PDE4D: variants seen among roughly 807,000 people sequenced by gnomAD.
PDE4D encodes 3',5'-cyclic-AMP phosphodiesterase 4D.
PDE4D carries 24 observed loss-of-function variants against 87.4 expected under a neutral mutation model. The observed-to-expected ratio is 0.27, with a 90% CI of 0.20 to 0.39. PDE4D has a LOEUF of 0.39. PDE4D is among the 10% of genes least tolerant of loss of function. The pLI is 1.00. For missense variants in PDE4D, 714 were observed against 1,041.0 expected (o/e 0.69, Z 4.32); for synonymous variants, 384 against 383.2 (o/e 1.00, Z -0.02).
At chr5:60,239,851 A>G (rs1746876197) in intron 1 of PDE4D, among the ~76,000 whole-genome samples, 1 of 152,050 alleles carries the variant, frequency 6.6e-6, no homozygotes. Flanking sequence ...ATTTTCTAAT[A>G]GTTTTTCAAT....
intron 2 of PDE4D, among the ~76,000 whole-genome samples, chr5:59,211,957 C>G (rs1750178520): frequency 6.6e-6 from 1 of 151,912 alleles, no homozygotes; most frequent in Admixed American, 6.6e-5. Flanking sequence ...AATAGATAAC[C>G]ACAAACCTTC....
chr5:59,726,567 T>C (rs1756624854), intron 1 of PDE4D, among the ~76,000 whole-genome samples: 1 of 152,084 alleles, frequency 6.6e-6, no homozygotes, highest in African/African-American at 2.4e-5. Context: ...GGCACCCTAA[T>C]TTCAGAACTT....
At chr5:59,880,545 G>A (rs987677167) in intron 1 of PDE4D, among the ~76,000 whole-genome samples, 1 of 152,198 alleles carries the variant, frequency 6.6e-6, no homozygotes, top group Admixed American at 6.5e-5. Flanking sequence ...CATTGAACAT[G>A]CTTGACAAAG....
At chr5:59,185,936 C>A (rs1185445998) in intron 3 of PDE4D, among the ~76,000 whole-genome samples, 3 of 152,146 alleles carry the variant, frequency 2.0e-5, no homozygotes, top group Non-Finnish European at 2.9e-5. Flanking sequence ...ACACACATAA[C>A]AAGGCAGGAC....
chr5:59,136,845 C>G (rs7707392), intron 5 of PDE4D, among the ~76,000 whole-genome samples: 133,354 of 152,210 alleles, frequency 0.88, 58,798 homozygotes, highest in African/African-American at 0.92. Flanking sequence ...GTTAAAATCA[C>G]GAAGAACTGA....
At chr5:59,350,287 T>C (rs1241283424) in intron 1 of PDE4D, among the ~76,000 whole-genome samples, 1 of 152,060 alleles carries the variant, frequency 6.6e-6, no homozygotes, top group Non-Finnish European at 1.5e-5. Context: ...CTGAAAGCAC[T>C]GAATTAGATG....
At chr5:60,507,098 T>A (rs957006111) in intron 1 of PDE4D, among the ~76,000 whole-genome samples, 13 of 152,206 alleles carry the variant, frequency 8.5e-5, no homozygotes, top group Admixed American at 3.9e-4. Flanking sequence ...TTTTTTTTTT[T>A]ACATGGAGTT....
upstream of PDE4D, among the ~76,000 whole-genome samples, chr5:59,897,945 C>A (rs1363191453): frequency 6.6e-6 from 1 of 152,070 alleles, no homozygotes; most frequent in African/African-American, 2.4e-5. Flanking sequence ...ATATGAAAGG[C>A]TTTTAAATTT....
chr5:58,984,948 T>C (rs1475628064), intron 11 of PDE4D, among the ~76,000 whole-genome samples: 1 of 152,174 alleles, frequency 6.6e-6, no homozygotes, highest in Admixed American at 6.5e-5. Context: ...GTTTCACTCT[T>C]GTCCAGGCTG....
chr5:59,926,165 T>A (rs747108474), intron 3 of PDE4D, among the ~76,000 whole-genome samples: 13 of 151,978 alleles, frequency 8.6e-5, no homozygotes, highest in Non-Finnish European at 1.8e-4. Flanking sequence ...ATAGAAAGTA[T>A]CTTCTCTGAC....
rs1440948223 is a variant in PDE4D at position 59,193,448 on chromosome 5, AT to A, written c.684+51del. On this transcript the variant is annotated intron_variant, in intron 3 of 14. Transcript: ENST00000340635. ...TTAATAACCCGAACTAATTCCCCAAATTAAATTTTTACATCTGTGAGAAACC... is the reference window on the plus strand; with the variant it reads ...TTAATAACCCGAACTAATTCCCCAAATAAATTTTTACATCTGTGAGAAACC... 25 of 1,521,526 alleles carry A rather than the reference AT, an allele frequency of 1.6e-5. No individual in the cohort carries two copies. The African/African-American group carries it at 3.3e-4, about 20-fold the overall frequency. The allele number at this position is 1,521,526 out of a possible 1,614,324, so 94.3% of individuals were successfully genotyped here. A position where few individuals can be genotyped will look rare whatever the true frequency, so the allele number is the denominator to read the frequency against.
At chr5:59,638,691 T>TG (rs1741019831) in intron 1 of PDE4D, among the ~76,000 whole-genome samples, 2 of 150,864 alleles carry the variant, frequency 1.3e-5, no homozygotes, top group African/African-American at 4.9e-5. Context: ...TTTTTGTTGT[T>TG]TTTTTTTTAA....
At chr5:59,403,012 T>C (rs1380139426) in intron 1 of PDE4D, among the ~76,000 whole-genome samples, 1 of 152,194 alleles carries the variant, frequency 6.6e-6, no homozygotes, top group African/African-American at 2.4e-5. Context: ...GAACAACTTT[T>C]TGTTTTTTCT....
intron 1 of PDE4D, among the ~76,000 whole-genome samples, chr5:59,724,667 T>C (rs1756342893): frequency 6.6e-6 from 1 of 152,056 alleles, no homozygotes; most frequent in Admixed American, 6.6e-5. Context: ...TCTAACCCCC[T>C]TTCTCCCAAA....
intron 1 of PDE4D, among the ~76,000 whole-genome samples, chr5:59,331,690 A>C (rs1776756411): frequency 6.6e-6 from 1 of 152,210 alleles, no homozygotes; most frequent in Admixed American, 6.5e-5. Context: ...TCCTTAAACA[A>C]AGTCCCTCTG....
chr5:59,415,357 G>T (rs1308780373), intron 1 of PDE4D, among the ~76,000 whole-genome samples: 1 of 152,174 alleles, frequency 6.6e-6, no homozygotes, highest in African/African-American at 2.4e-5. Flanking sequence ...AACTTGCCCA[G>T]GTTGGCAACA....
intron 5 of PDE4D, chr5:59,039,399 GAT>G: frequency 9.9e-7 from 1 of 1,008,002 alleles, no homozygotes; most frequent in Non-Finnish European, 1.2e-6. Flanking sequence ...TCCACAGCCG[GAT>G]CTCCTCGGTC....
chr5:60,370,113 C>A (rs2149980859), intron 1 of PDE4D, among the ~76,000 whole-genome samples: 1 of 152,240 alleles, frequency 6.6e-6, no homozygotes, highest in East Asian at 1.9e-4. Context: ...TGAATTTACT[C>A]AGTCCAGAGT....
chr5:59,076,206 G>A (rs1207773016), intron 5 of PDE4D, among the ~76,000 whole-genome samples: 4 of 152,242 alleles, frequency 2.6e-5, no homozygotes, highest in African/African-American at 9.6e-5. Context: ...ACTTTACACT[G>A]ATATTTACAA....
Sources: allele counts gnomAD v4.1 joint callset (sites outside exome capture counted in the v4.1 genomes callset), GRCh38; gene constraint gnomAD v4.1.1; transcripts MANE v1.5; gene names NCBI Gene and HGNC (gene_info 2026-07-23, HGNC 2026-07-21).